The following CLGN variants were observed in gnomAD, a reference collection of about 807,000 sequenced individuals.
CLGN encodes the protein calmegin.
A neutral mutation model predicts 79.1 loss-of-function variants in CLGN; 62 were observed. The ratio of observed to expected loss-of-function variants is 0.78; its 90% CI spans 0.64 to 0.97. CLGN has a LOEUF of 0.97. Among genes scored for constraint, CLGN ranks in the 50% least tolerant of loss-of-function variants. The pLI is 0.00. For synonymous variants in CLGN, 225 were observed against 224.7 expected, an observed-to-expected ratio of 1.00 and a Z score of -0.01; for missense variants, 647 against 715.5, an observed-to-expected ratio of 0.90 and a Z score of 1.09.
At chr4:140,426,735 C>T (rs1214355560) in intron 1 of CLGN, 1 of 152,274 alleles carries the variant, frequency 6.6e-6, no homozygotes, top group Non-Finnish European at 1.5e-5. Flanking sequence ...CTTTGGTTGC[C>T]ATTTGCTTTT....
In CLGN at chr4:140,393,927, T is replaced by C; in HGVS notation, c.1264A>G (p.Ile422Val). 1 of 1,613,780 alleles carries C rather than the reference T, an allele frequency of 6.2e-7. No homozygotes were observed. The highest frequency in any genetic ancestry group is 8.5e-7 in the Non-Finnish European group (1 of 1,179,792). The change falls in exon 11 of 15, where the codon ATC becomes GTC. Residue 422 changes from isoleucine to valine, a missense_variant. Ile to Val is a conservative substitution (Grantham distance 29, BLOSUM62 3). Coordinates refer to ENST00000325617, the MANE Select transcript of CLGN (RefSeq NM_004362.3). ...GLELWSMTSDIYFDNFIICSE... is the reference protein window; with the variant it reads ...GLELWSMTSDVYFDNFIICSE... ...CAGATAATAAAATTATCAAAGTAGA[T>C]ATCAGAGGTCATAGACCAAAGCTCT...
intron 6 of CLGN, 75 bp from the exon 7 acceptor site, chr4:140,400,624 G>A (rs1578596903): frequency 1.1e-6 from 1 of 926,014 alleles, no homozygotes; most frequent in Non-Finnish European, 1.6e-6. Context: ...TTTATCCAAT[G>A]GGTAGAGTTT....
intron 2 of CLGN, among the ~76,000 whole-genome samples, chr4:140,412,575 C>T (rs1414028236): frequency 6.6e-6 from 1 of 151,866 alleles, no homozygotes; most frequent in Admixed American, 6.6e-5. Context: ...TACTTTACTT[C>T]TCAAGGAACT....
chr4:140,393,809 A>G lies in CLGN; in HGVS notation c.1365+17T>C. The G allele has an allele frequency of 6.2e-7, 1 of 1,607,332 alleles. No individual in the cohort carries two copies. Among genetic ancestry groups the G allele is most frequent in the Non-Finnish European group, 8.5e-7 (1 of 1,174,700 alleles). ...TATTCATAGTTATATCACTACTGCT[A>G]TTGGTCAACACCATACCTTATTAGC... On this transcript the variant is annotated intron_variant, in intron 11 of 14. Coordinates refer to ENST00000325617, the MANE Select transcript of CLGN (RefSeq NM_004362.3).
At chr4:140,423,250 G>A (rs1240475495) in intron 1 of CLGN, among the ~76,000 whole-genome samples, 1 of 152,120 alleles carries the variant, frequency 6.6e-6, no homozygotes, top group African/African-American at 2.4e-5. Flanking sequence ...TATTATGAAA[G>A]AGTGTTGAAT....
chr4:140,421,165 T>C (rs1459223606), intron 1 of CLGN, among the ~76,000 whole-genome samples: 1 of 152,168 alleles, frequency 6.6e-6, no homozygotes, highest in Non-Finnish European at 1.5e-5. Flanking sequence ...AGTATTCCAT[T>C]GTGTGTATAC....
chr4:140,422,160 C>T (rs1256410475), intron 1 of CLGN, among the ~76,000 whole-genome samples: 2 of 152,190 alleles, frequency 1.3e-5, no homozygotes, highest in Non-Finnish European at 2.9e-5. Context: ...ATGCCAGTCT[C>T]ACACTGATTT....
chr4:140,392,200 A>G lies in CLGN; in HGVS notation c.1651+19T>C. On this transcript the variant is annotated intron_variant, in intron 13 of 14. Transcript: ENST00000325617. ...GCTTTACCCAGAGTCTCCATTATAAATCACTCTCATCATCTTACCTTTTTC... is the reference window on the plus strand; with the variant it reads ...GCTTTACCCAGAGTCTCCATTATAAGTCACTCTCATCATCTTACCTTTTTC... 6.2e-7 allele frequency: 1 copy of G among 1,609,546 alleles called. No homozygotes were observed.
intron 13 of CLGN, 57 bp from the exon 14 acceptor site, chr4:140,390,785 A>G: frequency 8.7e-7 from 1 of 1,151,236 alleles, no homozygotes; most frequent in Non-Finnish European, 1.2e-6. Flanking sequence ...TTTGCTACTG[A>G]AAAGTATTAA....
chr4:140,403,101 G>A (rs1308596585), intron 5 of CLGN, among the ~76,000 whole-genome samples: 1 of 152,050 alleles, frequency 6.6e-6, no homozygotes, highest in African/African-American at 2.4e-5. Context: ...TGAAAGGGGT[G>A]ATTTTCTCCT....
At chr4:140,404,379 C>T (rs1049111656) in intron 5 of CLGN, among the ~76,000 whole-genome samples, 6 of 152,144 alleles carry the variant, frequency 3.9e-5, no homozygotes, top group African/African-American at 1.4e-4. Flanking sequence ...AGGTGTGAAG[C>T]ACTGCGCCAG....
chr4:140,405,845 T>C (rs922951782), intron 5 of CLGN, 97 bp downstream of exon 5: 32 of 1,247,676 alleles, frequency 2.6e-5, no homozygotes, highest in South Asian at 4.7e-5. Context: ...AAGGAAGATC[T>C]AGATTTTCAC....
At chr4:140,424,798 G>A (rs962625386) in intron 1 of CLGN, among the ~76,000 whole-genome samples, 24 of 152,098 alleles carry the variant, frequency 1.6e-4, no homozygotes, top group African/African-American at 5.3e-4. Context: ...GCACCAACAC[G>A]TATCTTTGAT....
At chr4:140,395,001 A>T (rs1218907878) in intron 10 of CLGN, among the ~76,000 whole-genome samples, 1 of 151,628 alleles carries the variant, frequency 6.6e-6, no homozygotes, top group Non-Finnish European at 1.5e-5. Context: ...AACATGTGAA[A>T]CCCCGTCTCC....
At chr4:140,410,025 C>G in intron 3 of CLGN, 130 bp from the exon 4 acceptor site, 1 of 570,454 alleles carries the variant, frequency 1.8e-6, no homozygotes, top group Non-Finnish European at 3.1e-6. Flanking sequence ...TAAATTCATA[C>G]TTAGATGCTA....
At position 140,389,313 on chromosome 4, in the gene CLGN, A is replaced by C. The variant is rs181868945; in HGVS notation, c.1753-9T>G. On this transcript the variant is annotated splice_polypyrimidine_tract_variant and intron_variant, in intron 14 of 14. Transcript: ENST00000325617. ...TCATCTGCTTCTTTCATCTAGAAAA[A>C]ATAATTATGAAAAGGTTTCTTTTAG... is the stretch of plus-strand genomic sequence containing the variant. 65 of 1,608,140 alleles carry C rather than the reference A, an allele frequency of 4.0e-5. No individual in the cohort carries two copies. In the Admixed American group the frequency reaches 1.1e-3, roughly 26 times the overall value.
chr4:140,404,233 A>T (rs892022320), intron 5 of CLGN, among the ~76,000 whole-genome samples: 1 of 151,952 alleles, frequency 6.6e-6, no homozygotes, highest in African/African-American at 2.4e-5. Flanking sequence ...AGCTGGGGCT[A>T]CAGGCGCCTG....
rs752479617 is a variant in CLGN at position 140,390,677 on chromosome 4, T to C, written c.1703A>G (p.Glu568Gly). 1.9e-6 allele frequency: 3 copies of C among 1,605,656 alleles called. No individual in the cohort carries two copies. The highest frequency in any genetic ancestry group is 2.6e-6 in the Non-Finnish European group (3 of 1,175,140). The change falls in exon 14 of 15, where the codon GAA (glutamate) becomes GGA (glycine). Residue 568 changes from glutamate (E) to glycine (G), a missense_variant. Physicochemically the swap from Glu to Gly is moderately conservative, Grantham distance 98 (BLOSUM62 -2). Transcript: ENST00000325617. ...TGATTGATTACTTTCTTCTTGCCCT[T>C]CTATGATTTCAATTTCTTCTTCACT... ...EKSEEEIEII[E>G]GQEESNQSNK...
chr4:140,425,444 G>GTGTC (rs59875560), intron 1 of CLGN, among the ~76,000 whole-genome samples: 7,029 of 109,408 alleles, frequency 0.064, 251 homozygotes, highest in Non-Finnish European at 0.1. Context: ...GTGTGTGTGT[G>GTGTC]TGTGTGTGTG....
Sources: gnomAD v4.1 joint callset for allele counts (sites outside exome capture counted in the v4.1 genomes callset) on GRCh38, gnomAD v4.1.1 for gene constraint, MANE v1.5 for transcripts, NCBI Gene and HGNC (gene_info 2026-07-23, HGNC 2026-07-21) for gene names.